ITPR1: variants seen among roughly 807,000 people sequenced by gnomAD.
ITPR1 encodes inositol 1,4,5-trisphosphate-gated calcium channel ITPR1.
In ITPR1, 96 loss-of-function variants were observed where a neutral mutation model predicts 318.4. The observed-to-expected ratio is 0.30, with a 90% confidence interval of 0.26 to 0.36. The LOEUF (loss-of-function observed/expected upper bound fraction) is 0.36, where lower values mean the gene tolerates loss of function less well. Ranked by LOEUF, ITPR1 falls within the 10% of genes least tolerant of loss-of-function variation. The pLI is 1.00. For missense variants in ITPR1, 2,440 were observed against 3,460.2 expected, an observed-to-expected ratio of 0.71 and a Z score of 7.40; for synonymous variants, 1,312 against 1,289.9, an observed-to-expected ratio of 1.02 and a Z score of -0.37.
intron 42 of ITPR1, among the ~76,000 whole-genome samples, chr3:4,727,570 T>C (rs2042609194): frequency 6.6e-6 from 1 of 152,082 alleles, no homozygotes; most frequent in Admixed American, 6.5e-5. Context: ...ACTGTTTTTG[T>C]TTGTTATTTG....
chr3:4,751,711 T>C (rs2044537368), intron 44 of ITPR1: 1 of 152,182 alleles, frequency 6.6e-6, no homozygotes, highest in South Asian at 2.1e-4. Flanking sequence ...GTAGGTAATT[T>C]TTTTTTCCCC....
chr3:4,625,665 T>C (rs1575782505), intron 4 of ITPR1, among the ~76,000 whole-genome samples: 2 of 152,190 alleles, frequency 1.3e-5, no homozygotes, highest in Non-Finnish European at 2.9e-5. Flanking sequence ...CACACCATTT[T>C]CCTGCCTCAG....
At chr3:4,711,961 A>C in intron 39 of ITPR1, 93 bp downstream of exon 39, 1 of 551,086 alleles carries the variant, frequency 1.8e-6, no homozygotes, top group Non-Finnish European at 3.2e-6. Flanking sequence ...GGCATTACTG[A>C]CTGAGGGGCT....
chr3:4,503,044 C>G (rs2081141513), intron 2 of ITPR1, among the ~76,000 whole-genome samples: 1 of 151,266 alleles, frequency 6.6e-6, no homozygotes, highest in Admixed American at 6.6e-5. Context: ...GAGATCGCAC[C>G]ACTGCACTCC....
intron 12 of ITPR1, among the ~76,000 whole-genome samples, chr3:4,655,504 A>G (rs577319124): frequency 5.3e-5 from 8 of 152,188 alleles, no homozygotes; most frequent in Non-Finnish European, 1.2e-4. Context: ...TCATCTATAC[A>G]AGTGGCATTT....
chr3:4,755,481 C>T (rs1004342715), intron 44 of ITPR1, among the ~76,000 whole-genome samples: 1 of 151,454 alleles, frequency 6.6e-6, no homozygotes, highest in Non-Finnish European at 1.5e-5. Flanking sequence ...TCAAGCAGTC[C>T]TTCCACCTTG....
intron 32 of ITPR1, among the ~76,000 whole-genome samples, chr3:4,692,561 G>A (rs2094496653): frequency 6.6e-6 from 1 of 152,232 alleles, no homozygotes; most frequent in Non-Finnish European, 1.5e-5. Flanking sequence ...TTAGTCATTA[G>A]TAAGTATTGA....
At chr3:4,539,166 CTG>C (rs1432086599) in intron 4 of ITPR1, among the ~76,000 whole-genome samples, 1 of 152,070 alleles carries the variant, frequency 6.6e-6, no homozygotes, top group East Asian at 1.9e-4. Context: ...TTTCTTATGT[CTG>C]TTATTTTTTA....
intron 2 of ITPR1, among the ~76,000 whole-genome samples, chr3:4,507,615 T>C (rs1434443669): frequency 6.6e-6 from 1 of 152,226 alleles, no homozygotes; most frequent in Non-Finnish European, 1.5e-5. Context: ...TGAGCAAGAT[T>C]ATACCAAGCA....
At chr3:4,654,031 G>A (rs905202577) in intron 12 of ITPR1, 145 bp downstream of exon 12, 8 of 608,160 alleles carry the variant, frequency 1.3e-5, no homozygotes, top group African/African-American at 1.3e-4. Flanking sequence ...ATCATGTTCT[G>A]TGCTTCCCTT....
intron 4 of ITPR1, among the ~76,000 whole-genome samples, chr3:4,536,259 C>T (rs1250357769): frequency 1.3e-5 from 2 of 152,144 alleles, no homozygotes; most frequent in Admixed American, 1.3e-4. Flanking sequence ...CATATTGATA[C>T]ATTTTCTTAA....
intron 4 of ITPR1, among the ~76,000 whole-genome samples, chr3:4,549,580 C>T (rs572514641): frequency 9.4e-5 from 14 of 148,800 alleles, no homozygotes; most frequent in Admixed American, 7.5e-4. Flanking sequence ...AAACCTGGAA[C>T]ATTTTGGTAT....
chr3:4,594,498 G>A lies in ITPR1; in HGVS notation c.164-33265G>A, dbSNP rs1283251686. Among the ~76,000 whole-genome samples, 5 of 152,124 alleles carry A rather than the reference G, an allele frequency of 3.3e-5. No homozygotes were observed. The South Asian group carries it at 8.3e-4, about 25-fold the overall frequency. On this transcript the variant is annotated intron_variant, in intron 4 of 61. Coordinates refer to ENST00000649015, the MANE Select transcript of ITPR1 (RefSeq NM_001378452.1). ...AATCCAGGTCTGGTGTGGCAGCTGC[G>A]TGATCGATGAGAGCCAAATCCCTTG... is the stretch of plus-strand genomic sequence containing the variant.
chr3:4,788,505 T>C (rs2047346697), intron 52 of ITPR1, among the ~76,000 whole-genome samples: 1 of 152,258 alleles, frequency 6.6e-6, no homozygotes, highest in African/African-American at 2.4e-5. Context: ...TTCACACTGC[T>C]TGCTGGCTCA....
chr3:4,833,605 G>A lies in ITPR1; in HGVS notation c.8029-3169G>A, dbSNP rs554511901. 7.9e-5 allele frequency among the ~76,000 whole-genome samples: 12 copies of A among 152,284 alleles called. No homozygotes were observed. In the South Asian group the frequency reaches 1.5e-3, roughly 18 times the overall value. On this transcript the variant is annotated intron_variant, in intron 60 of 61. Coordinates refer to ENST00000649015, the MANE Select transcript of ITPR1 (RefSeq NM_001378452.1). Reference sequence around the variant, plus strand: ...CCTCTCCCCTGGTCTGGTAAGGCACGGCGGCCTTTCACAGAGTTCCTGCTT... The same window carrying A: ...CCTCTCCCCTGGTCTGGTAAGGCACAGCGGCCTTTCACAGAGTTCCTGCTT...
intron 32 of ITPR1, among the ~76,000 whole-genome samples, chr3:4,691,944 G>A (rs1484131988): frequency 3.3e-5 from 5 of 152,188 alleles, no homozygotes; most frequent in African/African-American, 1.2e-4. Context: ...TTGAGGCCAG[G>A]AGTACAGGAC....
intron 52 of ITPR1, among the ~76,000 whole-genome samples, chr3:4,789,012 C>T (rs2047380752): frequency 6.6e-6 from 1 of 152,180 alleles, no homozygotes; most frequent in African/African-American, 2.4e-5. Context: ...CCAGTGCTGT[C>T]TGTTTTTTCT....
intron 4 of ITPR1, among the ~76,000 whole-genome samples, chr3:4,559,783 C>G (rs1420843542): frequency 4.6e-5 from 7 of 152,178 alleles, no homozygotes; most frequent in Non-Finnish European, 7.4e-5. Flanking sequence ...ACCTGAAGCC[C>G]AGGGAGATTA....
chr3:4,579,799 C>T (rs2089102784), intron 4 of ITPR1, among the ~76,000 whole-genome samples: 2 of 152,144 alleles, frequency 1.3e-5, no homozygotes. Flanking sequence ...CTTTGTGGGA[C>T]TGTTCTCCTT....
Sources: gnomAD v4.1 joint callset for allele counts (sites outside exome capture counted in the v4.1 genomes callset) on GRCh38, gnomAD v4.1.1 for gene constraint, MANE v1.5 for transcripts, NCBI Gene and HGNC (gene_info 2026-07-23, HGNC 2026-07-21) for gene names.